ADAMTS17: variants seen among roughly 807,000 people sequenced by gnomAD.
ADAMTS17 encodes ADAM metallopeptidase with thrombospondin type 1 motif 17.
Under a neutral mutation model 141.5 loss-of-function variants are expected in ADAMTS17, and 113 were observed. That is an observed-to-expected ratio of 0.80 (90% CI 0.69 to 0.93). The LOEUF is 0.93. Ranked by LOEUF, ADAMTS17 falls within the 40% of genes least tolerant of loss-of-function variation. The pLI is 0.00. For missense variants in ADAMTS17, 1,659 were observed against 1,517.9 expected, an observed-to-expected ratio of 1.09 and a Z score of -1.54; for synonymous variants, 768 against 630.6, an observed-to-expected ratio of 1.22 and a Z score of -3.27.
chr15:100,332,529 C>G (rs765767909), intron 2 of ADAMTS17, among the ~76,000 whole-genome samples: 2 of 152,196 alleles, frequency 1.3e-5, no homozygotes, highest in Non-Finnish European at 2.9e-5. Flanking sequence ...CAAAGCCCCC[C>G]CAGGATCTAG....
At chr15:100,313,471 A>G (rs2045466066) in intron 3 of ADAMTS17, among the ~76,000 whole-genome samples, 1 of 152,256 alleles carries the variant, frequency 6.6e-6, no homozygotes, top group Non-Finnish European at 1.5e-5. Flanking sequence ...TTTGATACCC[A>G]TGTCCAATTT....
intron 15 of ADAMTS17, among the ~76,000 whole-genome samples, chr15:100,060,012 G>A (rs571808559): frequency 2.6e-5 from 4 of 152,310 alleles, no homozygotes; most frequent in African/African-American, 9.6e-5. Context: ...CTTGAAATCA[G>A]GATATTGTTG....
At chr15:100,124,490 G>C (rs950913379) in intron 12 of ADAMTS17, among the ~76,000 whole-genome samples, 3 of 152,224 alleles carry the variant, frequency 2.0e-5, no homozygotes, top group Non-Finnish European at 2.9e-5. Flanking sequence ...GTGTCAGTGA[G>C]GACATGGGGC....
intron 7 of ADAMTS17, among the ~76,000 whole-genome samples, chr15:100,211,141 A>AATAAAAAT (rs774028288): frequency 2.0e-3 from 302 of 148,582 alleles, no homozygotes; most frequent in African/African-American, 7.0e-3. Flanking sequence ...TAAATAAATA[A>AATAAAAAT]AAATACAAAA....
chr15:100,234,700 C>T (rs1300616520), intron 7 of ADAMTS17, among the ~76,000 whole-genome samples: 3 of 152,206 alleles, frequency 2.0e-5, no homozygotes, highest in South Asian at 2.1e-4. Context: ...GCAGAGGAAA[C>T]GCTGCAACCA....
rs577794747 is a variant in ADAMTS17, at chr15:100,228,924, G to A, written c.1075+25212C>T. On this transcript the variant is annotated intron_variant, in intron 7 of 21. Coordinates refer to ENST00000268070, the MANE Select transcript of ADAMTS17 (RefSeq NM_139057.4). ...CTCTACGAGGGGGCCATTGCCCTGCGGTCCTGTCTGTGACAGTTGCAGAAG... is the reference window on the plus strand; with the variant it reads ...CTCTACGAGGGGGCCATTGCCCTGCAGTCCTGTCTGTGACAGTTGCAGAAG... Among the ~76,000 whole-genome samples the A allele has an allele frequency of 4.8e-4, 73 of 152,276 alleles. 2 individuals carry two copies. The South Asian group carries it at 8.7e-3, about 18-fold the overall frequency.
At chr15:100,292,301 C>T (rs1416481233) in intron 3 of ADAMTS17, among the ~76,000 whole-genome samples, 1 of 151,218 alleles carries the variant, frequency 6.6e-6, no homozygotes. Context: ...ACACTCAGCC[C>T]GTGTGAAACT....
intron 12 of ADAMTS17, among the ~76,000 whole-genome samples, chr15:100,130,881 AT>A (rs1242172344): frequency 3.9e-5 from 6 of 152,328 alleles, no homozygotes; most frequent in African/African-American, 1.4e-4. Flanking sequence ...ATACCCAAGG[AT>A]TATAAATCAT....
At chr15:100,185,511 C>A (rs925448418) in intron 8 of ADAMTS17, among the ~76,000 whole-genome samples, 1 of 152,204 alleles carries the variant, frequency 6.6e-6, no homozygotes, top group Non-Finnish European at 1.5e-5. Flanking sequence ...CTCCAAAAAT[C>A]TCCACTTCAA....
chr15:100,086,649 T>A (rs2035121272), intron 15 of ADAMTS17, among the ~76,000 whole-genome samples: 1 of 151,124 alleles, frequency 6.6e-6, no homozygotes, highest in Non-Finnish European at 1.5e-5. Context: ...AAATTGTTTC[T>A]CACAGTGCAA....
At chr15:100,121,833 T>C (rs1418256989) in intron 12 of ADAMTS17, among the ~76,000 whole-genome samples, 1 of 152,098 alleles carries the variant, frequency 6.6e-6, no homozygotes, top group Non-Finnish European at 1.5e-5. Context: ...CACCTCCCTG[T>C]GGACAGCATT....
chr15:100,169,578 G>A (rs2040081449), intron 8 of ADAMTS17, among the ~76,000 whole-genome samples: 2 of 152,230 alleles, frequency 1.3e-5, no homozygotes, highest in Non-Finnish European at 2.9e-5. Flanking sequence ...TTGAGCCCGG[G>A]CAGCCCATGC....
intron 15 of ADAMTS17, chr15:100,063,591 G>C (rs1045345249): frequency 8.7e-7 from 1 of 1,154,590 alleles, no homozygotes; most frequent in Admixed American, 2.3e-5. Flanking sequence ...CATAACCCGG[G>C]AGGAATGACA....
intron 15 of ADAMTS17, among the ~76,000 whole-genome samples, chr15:100,074,385 T>C (rs920326242): frequency 7.3e-6 from 1 of 137,206 alleles, no homozygotes; most frequent in Non-Finnish European, 1.7e-5. Context: ...ATGCATAATA[T>C]AATCATATTA....
intron 3 of ADAMTS17, among the ~76,000 whole-genome samples, chr15:100,288,359 T>C (rs939708749): frequency 6.6e-6 from 1 of 152,160 alleles, no homozygotes; most frequent in African/African-American, 2.4e-5. Flanking sequence ...CAGAAGCAGA[T>C]TCATAAAACA....
At chr15:100,069,503 G>T (rs2033812187) in intron 15 of ADAMTS17, among the ~76,000 whole-genome samples, 1 of 152,144 alleles carries the variant, frequency 6.6e-6, no homozygotes, top group African/African-American at 2.4e-5. Flanking sequence ...GAAAGGTCAG[G>T]TTACCCACAA....
Position 100,133,229 on chromosome 15 carries a change from C to T in ADAMTS17, c.1560G>A (p.Glu520=), listed in dbSNP as rs770360331. 7 of 1,594,264 alleles carry T rather than the reference C, an allele frequency of 4.4e-6. No individual in the cohort carries two copies. Among genetic ancestry groups the T allele is most frequent in the Non-Finnish European group, 6.0e-6 (7 of 1,169,078 alleles). Residue 520 remains glutamate (E), a synonymous_variant, in exon 11 of 22, where the codon GAG becomes GAA. Transcript: ENST00000268070. The part of the protein sequence containing the change: ...TKLDPPLDGT[E]CGADKWCRAG... ...CAGAGGTTACCTTGTCTGCCCCACA[C>T]TCGGTGCCATCCAGGGGAGGGTCCA...
At position 100,123,519 on chromosome 15, in the gene ADAMTS17, T is replaced by C. The variant is rs139131317; in HGVS notation, c.1722-6506A>G. Among the ~76,000 whole-genome samples the C allele has an allele frequency of 9.4e-3, 1,437 of 152,192 alleles. 25 individuals are homozygous for C. Among genetic ancestry groups the C allele is most frequent in the African/African-American group, 0.033 (1,352 of 41,510 alleles). On this transcript the variant is annotated intron_variant, in intron 12 of 21. Coordinates refer to ENST00000268070, the MANE Select transcript of ADAMTS17 (RefSeq NM_139057.4). ...CCAGGGGAAAGCCAACAAGTTGCAA[T>C]CTCATCCTGAAATGAGGACTGATCC...
chr15:100,314,373 G>T (rs2045496793), intron 3 of ADAMTS17, among the ~76,000 whole-genome samples: 1 of 152,164 alleles, frequency 6.6e-6, no homozygotes, highest in African/African-American at 2.4e-5. Flanking sequence ...GTTAAATAAG[G>T]GTTCTAAGAA....
Sources: allele counts gnomAD v4.1 joint callset (sites outside exome capture counted in the v4.1 genomes callset), GRCh38; gene constraint gnomAD v4.1.1; transcripts MANE v1.5; gene names NCBI Gene and HGNC (gene_info 2026-07-23, HGNC 2026-07-21).